The following SRL variants were observed in gnomAD, a reference collection of about 807,000 sequenced individuals.
SRL encodes the protein sarcalumenin.
Under a neutral mutation model 39.5 loss-of-function variants are expected in SRL, and 23 were observed. The ratio of observed to expected loss-of-function variants is 0.58; its 90% CI spans 0.42 to 0.82. The LOEUF is 0.82. SRL is among the 40% of genes least tolerant of loss of function. The pLI, the probability that SRL is intolerant of heterozygous loss-of-function variation, is 0.00. For synonymous variants in SRL, 272 were observed against 237.4 expected (o/e 1.15, Z -1.34); for missense variants, 592 against 607.8 (o/e 0.97, Z 0.27).
In SRL at chr16:4,224,858, T is replaced by A. The variant is rs59596451; in HGVS notation, c.61+17149A>T. 1.6e-4 allele frequency among the ~76,000 whole-genome samples: 25 copies of A among 152,272 alleles called. 1 individual carries two copies. The South Asian group carries it at 4.1e-3, about 25-fold the overall frequency. On this transcript the variant is annotated intron_variant, in intron 1 of 5. Coordinates refer to ENST00000399609, the MANE Select transcript of SRL (RefSeq NM_001098814.2). ...AACAGCCCGACTGTCCATCAGTAGA[T>A]CAATGGATAAACAGAACATGGTCTA... is the stretch of plus-strand genomic sequence containing the variant.
Position 4,191,111 on chromosome 16 carries a change from A to G in SRL, c.*1042T>C, listed in dbSNP as rs2052057055. ...TCACTACAGTCACTTCCAAGAGTAAATTACCTGGATACACCAACCAGTCCC... is the reference window on the plus strand; with the variant it reads ...TCACTACAGTCACTTCCAAGAGTAAGTTACCTGGATACACCAACCAGTCCC... On this transcript the variant is annotated 3_prime_UTR_variant, in exon 6 of 6. Transcript: ENST00000399609. The G allele has an allele frequency of 6.6e-6, 1 of 152,232 alleles. No individual in the cohort carries two copies. Among genetic ancestry groups the G allele is most frequent in the Non-Finnish European group, 1.5e-5 (1 of 68,088 alleles). 9.4% of individuals were successfully genotyped at this position (152,232 alleles called of 1,614,324 possible).
At chr16:4,230,560 TGTATCTTTA>T (rs2052648925) in intron 1 of SRL, among the ~76,000 whole-genome samples, 1 of 151,490 alleles carries the variant, frequency 6.6e-6, no homozygotes, top group South Asian at 2.1e-4. Context: ...TTTTTTTTTT[TGTATCTTTA>T]GTAGAGACGG....
rs562491733 is a variant in SRL at position 4,221,437 on chromosome 16, G to C, written c.62-16803C>G. On this transcript the variant is annotated intron_variant, in intron 1 of 5. Transcript: ENST00000399609. Reference sequence around the variant, plus strand: ...CTAGTTCCCAAAGGACTCCCCTGAAGAGAGGAAGGCTGAAGCCACAGCAGG... The same window carrying C: ...CTAGTTCCCAAAGGACTCCCCTGAACAGAGGAAGGCTGAAGCCACAGCAGG... 4.0e-3 allele frequency among the ~76,000 whole-genome samples: 608 copies of C among 152,292 alleles called. 4 individuals carry two copies. The highest frequency in any genetic ancestry group is 6.7e-3 in the Non-Finnish European group (458 of 68,020).
At chr16:4,204,444 G>GC in intron 2 of SRL, 89 bp downstream of exon 2, 1 of 687,530 alleles carries the variant, frequency 1.5e-6, no homozygotes. Context: ...GCCCCGGCAC[G>GC]CCCTGGCTCT....
intron 5 of SRL, among the ~76,000 whole-genome samples, chr16:4,195,220 T>A (rs11641951): frequency 0.51 from 77,374 of 151,766 alleles, 19,951 homozygotes; most frequent in South Asian, 0.63. Context: ...TTTATATAAG[T>A]TAGGGTCTCA....
At chr16:4,239,191 G>T (rs965201453) in intron 1 of SRL, among the ~76,000 whole-genome samples, 2 of 152,218 alleles carry the variant, frequency 1.3e-5, no homozygotes. Flanking sequence ...CCAGCCAGGG[G>T]TGGGAGAGAA....
intron 1 of SRL, among the ~76,000 whole-genome samples, chr16:4,233,075 G>A (rs1335676239): frequency 6.6e-6 from 1 of 152,226 alleles, no homozygotes; most frequent in African/African-American, 2.4e-5. Flanking sequence ...TGAGAGAGCG[G>A]GGAATAGGGA....
At chr16:4,197,965 C>G (rs752447950) in intron 3 of SRL, 50 bp from the exon 4 acceptor site, 9 of 1,259,936 alleles carry the variant, frequency 7.1e-6, no homozygotes, top group Non-Finnish European at 1.1e-5. Context: ...AAAGTTCACA[C>G]AAGGGGTATG....
At chr16:4,218,175 T>C (rs777511506) in intron 1 of SRL, among the ~76,000 whole-genome samples, 2 of 152,030 alleles carry the variant, frequency 1.3e-5, no homozygotes, top group Non-Finnish European at 2.9e-5. Context: ...TGGCCTCCCC[T>C]TTCCCCACCA....
intron 1 of SRL, among the ~76,000 whole-genome samples, chr16:4,209,470 C>T (rs1373060777): frequency 6.6e-6 from 1 of 152,112 alleles, no homozygotes; most frequent in Non-Finnish European, 1.5e-5. Flanking sequence ...GAGTACCCCA[C>T]CTATCTGCTG....
chr16:4,197,060 CTTTTTTTT>C (rs1172658613), intron 4 of SRL, among the ~76,000 whole-genome samples: 1 of 85,916 alleles, frequency 1.2e-5, no homozygotes, highest in African/African-American at 4.6e-5. Context: ...TCCAAATTTT[CTTTTTTTT>C]TTTTTTTTTT....
At position 4,197,606 on chromosome 16, in the gene SRL, T is replaced by C. The variant is rs150105361; in HGVS notation, c.376+193A>G. On this transcript the variant is annotated intron_variant, in intron 4 of 5. Transcript: ENST00000399609. ...TTAGCTAATTTTTGTATTTTTTTTT[T>C]AGTAGAGATGGGTTTTTGCCATGTT... 8.8e-3 allele frequency among the ~76,000 whole-genome samples: 1,328 copies of C among 151,634 alleles called. 15 individuals carry two copies. The highest frequency in any genetic ancestry group is 0.015 in the Non-Finnish European group (1,026 of 67,892).
intron 1 of SRL, among the ~76,000 whole-genome samples, chr16:4,225,836 T>C (rs2052582115): frequency 6.6e-6 from 1 of 150,804 alleles, no homozygotes. Flanking sequence ...CTCCGGTGGC[T>C]CCCACCTCAT....
chr16:4,202,938 A>G (rs1475262902), intron 3 of SRL, among the ~76,000 whole-genome samples: 1 of 152,208 alleles, frequency 6.6e-6, no homozygotes, highest in Non-Finnish European at 1.5e-5. Flanking sequence ...ACCCTGGTAA[A>G]GCATCGCGCT....
chr16:4,199,882 A>G (rs1442140821), intron 3 of SRL, among the ~76,000 whole-genome samples: 1 of 151,566 alleles, frequency 6.6e-6, no homozygotes, highest in African/African-American at 2.4e-5. Context: ...TTTTTAGTAG[A>G]GATGGGGTTT....
chr16:4,203,211 C>T lies in SRL; in HGVS notation c.214G>A (p.Glu72Lys), dbSNP rs776946718. ...KIYHSSIKPL[E>K]QSYKYNELRQ... ...AGCTCATTGTACTTGTAGGACTGCT[C>T]CAGAGGCTTGATGGATGAGTGGTAG... is the stretch of plus-strand genomic sequence containing the variant. The change falls in exon 3 of 6, where the codon GAG (glutamate) becomes AAG (lysine). Residue 72 changes from glutamate (E) to lysine (K), a missense_variant. Physicochemically the swap from Glu to Lys is moderately conservative, Grantham distance 56. Transcript: ENST00000399609. 5 of 1,614,210 alleles carry T rather than the reference C, an allele frequency of 3.1e-6. No homozygotes were observed. In the East Asian group the frequency reaches 1.1e-4, roughly 36 times the overall value.
intron 4 of SRL, 81 bp downstream of exon 4, chr16:4,197,718 G>T (rs1401316222): frequency 2.8e-6 from 3 of 1,055,324 alleles, no homozygotes; most frequent in Non-Finnish European, 4.4e-6. Flanking sequence ...GAGTCATAAT[G>T]TCCGGCCAGT....
rs182914812 is a variant in SRL at position 4,215,131 on chromosome 16, G to A, written c.62-10497C>T. 3.4e-4 allele frequency among the ~76,000 whole-genome samples: 52 copies of A among 152,274 alleles called. No homozygotes were observed. The East Asian group carries it at 7.5e-3, about 22-fold the overall frequency. On this transcript the variant is annotated intron_variant, in intron 1 of 5. Coordinates refer to ENST00000399609, the MANE Select transcript of SRL (RefSeq NM_001098814.2). The stretch of plus-strand genomic sequence containing the variant: ...AGAAGGCTGTTGCCCATAAGGACCC[G>A]AGAAGAGAAATTCTGGCTGGAGGAA...
intron 1 of SRL, chr16:4,206,693 G>A (rs1567178938): frequency 2.2e-6 from 1 of 456,818 alleles, no homozygotes; most frequent in Non-Finnish European, 4.4e-6. Context: ...AGCTGCCCAA[G>A]GGACGGGGTT....
Sources: gnomAD v4.1 joint callset for allele counts (sites outside exome capture counted in the v4.1 genomes callset) on GRCh38, gnomAD v4.1.1 for gene constraint, MANE v1.5 for transcripts, NCBI Gene and HGNC (gene_info 2026-07-23, HGNC 2026-07-21) for gene names.